NOS1: variants seen among roughly 807,000 people sequenced by gnomAD.
NOS1 encodes the protein NOS type I.
Under a neutral mutation model 164.5 loss-of-function variants are expected in NOS1, and 51 were observed. The ratio of observed to expected loss-of-function variants is 0.31; its 90% CI spans 0.25 to 0.39. The LOEUF (loss-of-function observed/expected upper bound fraction) is 0.39, where lower values mean the gene tolerates loss of function less well. Ranked by LOEUF, NOS1 falls within the 10% of genes least tolerant of loss-of-function variation. The pLI is 1.00. For missense variants in NOS1, 1,362 were observed against 1,885.6 expected, an observed-to-expected ratio of 0.72 and a Z score of 5.14; for synonymous variants, 719 against 745.8, an observed-to-expected ratio of 0.96 and a Z score of 0.59.
At chr12:117,349,876 C>T (rs1467028319) in intron 1 of NOS1, among the ~76,000 whole-genome samples, 1 of 138,032 alleles carries the variant, frequency 7.2e-6, no homozygotes, top group African/African-American at 2.8e-5. Flanking sequence ...GCACGAGCCA[C>T]CACACTTGGT....
Position 117,211,271 on chromosome 12 carries a change from A to T in NOS1, c.*4038T>A. 14 of 985,296 alleles carry T rather than the reference A, an allele frequency of 1.4e-5. No homozygotes were observed. Among genetic ancestry groups the T allele is most frequent in the Non-Finnish European group, 1.7e-5 (14 of 829,960 alleles). The allele number at this position is 985,296 out of a possible 1,614,324, so 61.0% of individuals were successfully genotyped here. ...CCGCGCCCAGCCTGCAAGATGCTTT[A>T]ATTTCTCCTTTATTCTCACCCTCTA... On this transcript the variant is annotated 3_prime_UTR_variant, in exon 29 of 29. Coordinates refer to ENST00000317775, the MANE Select transcript of NOS1 (RefSeq NM_000620.5).
intron 8 of NOS1, 62 bp from the exon 9 acceptor site, chr12:117,278,160 T>C (rs925012986): frequency 3.7e-5 from 57 of 1,521,588 alleles, no homozygotes; most frequent in African/African-American, 6.9e-5. Flanking sequence ...ACAACCCTTA[T>C]GTGGGAAGCG....
Position 117,262,751 on chromosome 12 carries a change from G to A in NOS1, c.2222+1138C>T, listed in dbSNP as rs528645077. ...TCCAAACAGTGGTCTTTGGTAAGTG[G>A]ATCAGTGGGGTTCTCTTTTTTTTGG... On this transcript the variant is annotated intron_variant, in intron 13 of 28. Coordinates refer to ENST00000317775, the MANE Select transcript of NOS1 (RefSeq NM_000620.5). Among the ~76,000 whole-genome samples, 35 of 89,756 alleles carry A rather than the reference G, an allele frequency of 3.9e-4. No homozygotes were observed. The South Asian group carries it at 0.014, about 36-fold the overall frequency. 58.9% of individuals were successfully genotyped at this position (89,756 alleles called of 152,430 possible).
chr12:117,344,978 G>T (rs1461930319), intron 1 of NOS1, among the ~76,000 whole-genome samples: 2 of 151,866 alleles, frequency 1.3e-5, no homozygotes, highest in Non-Finnish European at 2.9e-5. Flanking sequence ...ATCAAACGCG[G>T]GCTATTATGA....
intron 3 of NOS1, among the ~76,000 whole-genome samples, chr12:117,301,864 CT>C (rs1873834011): frequency 6.6e-6 from 1 of 152,222 alleles, no homozygotes; most frequent in Admixed American, 6.5e-5. Context: ...CACAGTGCTT[CT>C]TATCTGCCTC....
chr12:117,355,230 C>G (rs964944041), intron 1 of NOS1, among the ~76,000 whole-genome samples: 2 of 152,086 alleles, frequency 1.3e-5, no homozygotes, highest in Non-Finnish European at 2.9e-5. Context: ...ACAGGACATA[C>G]AAATAAGAGG....
At chr12:117,236,322 G>A (rs911432863) in intron 20 of NOS1, among the ~76,000 whole-genome samples, 2 of 152,052 alleles carry the variant, frequency 1.3e-5, no homozygotes, top group African/African-American at 4.8e-5. Context: ...CTATTTAAAG[G>A]ACTTTTTGGC....
intron 1 of NOS1, among the ~76,000 whole-genome samples, chr12:117,331,893 G>T (rs142325221): frequency 0.011 from 1,618 of 152,134 alleles, 19 homozygotes; most frequent in Middle Eastern, 0.017. Flanking sequence ...CCATAGCTCG[G>T]GGGCTCAGCT....
chr12:117,305,879 A>G (rs1874119080), intron 3 of NOS1, among the ~76,000 whole-genome samples: 1 of 150,900 alleles, frequency 6.6e-6, no homozygotes. Flanking sequence ...GAAACCTCCA[A>G]CTCCCAGGCT....
At chr12:117,300,132 G>A (rs1873717704) in intron 3 of NOS1, among the ~76,000 whole-genome samples, 1 of 152,176 alleles carries the variant, frequency 6.6e-6, no homozygotes, top group African/African-American at 2.4e-5. Flanking sequence ...GGCTGGGGCT[G>A]TTGACCTGTA....
At chr12:117,231,112 G>C (rs1338828722) in intron 22 of NOS1, among the ~76,000 whole-genome samples, 1 of 151,990 alleles carries the variant, frequency 6.6e-6, no homozygotes, top group Non-Finnish European at 1.5e-5. Flanking sequence ...TGGATCACCT[G>C]AGATCGGGGT....
At chr12:117,255,538 A>T (rs564256162) in intron 16 of NOS1, among the ~76,000 whole-genome samples, 2 of 152,342 alleles carry the variant, frequency 1.3e-5, no homozygotes, top group South Asian at 4.1e-4. Context: ...CTGCCCTAAA[A>T]TAGTCTCACA....
Position 117,242,657 on chromosome 12 carries a change from C to T in NOS1, c.3011G>A (p.Ser1004Asn). The change falls in exon 20 of 29, where the codon AGC becomes AAC. Residue 1004 changes from serine (S) to asparagine (N), a missense_variant. Physicochemically the swap from Ser to Asn is conservative, Grantham distance 46. Coordinates refer to ENST00000317775, the MANE Select transcript of NOS1 (RefSeq NM_000620.5). ...KKRVSAARLLSRQNLQSPKSS... is the reference protein window; with the variant it reads ...KKRVSAARLLNRQNLQSPKSS... ...TTTAGGGCTCTGGAGGTTTTGACGG[C>T]TAAGGAGCCGGGCAGCTGAGACTCG... 6.2e-7 allele frequency: 1 copy of T among 1,614,162 alleles called. No homozygotes were observed. Among genetic ancestry groups the T allele is most frequent in the East Asian group, 2.2e-5 (1 of 44,886 alleles).
intron 1 of NOS1, among the ~76,000 whole-genome samples, chr12:117,355,994 C>T (rs1218538004): frequency 6.6e-6 from 1 of 152,198 alleles, no homozygotes; most frequent in East Asian, 1.9e-4. Context: ...TCAAACAATC[C>T]TCCTGCCTCA....
intron 13 of NOS1, 24 bp downstream of exon 13, chr12:117,263,865 A>C (rs896283832): frequency 1.3e-6 from 2 of 1,593,154 alleles, no homozygotes; most frequent in Admixed American, 1.7e-5. Context: ...CATCCACCCC[A>C]CCCGCCCACT....
At chr12:117,260,847 T>C (rs1200293115) in intron 13 of NOS1, among the ~76,000 whole-genome samples, 1 of 152,054 alleles carries the variant, frequency 6.6e-6, no homozygotes, top group Admixed American at 6.6e-5. Context: ...TCTCTAGAGA[T>C]AATGCTGGAT....
At chr12:117,262,950 A>G (rs966611340) in intron 13 of NOS1, among the ~76,000 whole-genome samples, 2 of 151,848 alleles carry the variant, frequency 1.3e-5, no homozygotes, top group African/African-American at 4.8e-5. Context: ...CTTTAGCTCA[A>G]TTGTCACCTC....
chr12:117,217,422 C>T (rs141848049), intron 28 of NOS1, among the ~76,000 whole-genome samples: 1 of 152,092 alleles, frequency 6.6e-6, no homozygotes, highest in African/African-American at 2.4e-5. Context: ...GTCACAACTC[C>T]GGCCATGTGC....
chr12:117,343,240 AGAAGGAAG>A (rs1270454463), intron 1 of NOS1, among the ~76,000 whole-genome samples: 1 of 151,358 alleles, frequency 6.6e-6, no homozygotes, highest in Non-Finnish European at 1.5e-5. Context: ...TCTGTCAAAA[AGAAGGAAG>A]GAAGGAAGGA....
Sources: allele counts gnomAD v4.1 joint callset (sites outside exome capture counted in the v4.1 genomes callset), GRCh38; gene constraint gnomAD v4.1.1; transcripts MANE v1.5; gene names NCBI Gene and HGNC (gene_info 2026-07-23, HGNC 2026-07-21).